Variants in FOXP2 observed in about 807,000 individuals in gnomAD.
FOXP2 encodes the protein forkhead box P2.
Under a neutral mutation model 115.8 loss-of-function variants are expected in FOXP2, and 12 were observed. That is an observed-to-expected ratio of 0.10 (90% CI 0.07 to 0.17). FOXP2 has a LOEUF of 0.17. Among genes scored for constraint, FOXP2 ranks in the 10% least tolerant of loss-of-function variants. The pLI is 1.00. For synonymous variants in FOXP2, 328 were observed against 297.7 expected, an observed-to-expected ratio of 1.10 and a Z score of -1.05; for missense variants, 629 against 843.5, an observed-to-expected ratio of 0.75 and a Z score of 3.15.
At chr7:114,540,337 T>C (rs1799593714) in intron 3 of FOXP2, among the ~76,000 whole-genome samples, 1 of 152,100 alleles carries the variant, frequency 6.6e-6, no homozygotes, top group Non-Finnish European at 1.5e-5. Context: ...ATGAATTCCC[T>C]GCTCTTCTCT....
chr7:114,113,142 A>G (rs541124429), intron 1 of FOXP2, among the ~76,000 whole-genome samples: 5 of 152,298 alleles, frequency 3.3e-5, no homozygotes, highest in Admixed American at 2.0e-4. Context: ...TTAGTTATCT[A>G]AAGTAGTATG....
chr7:114,633,574 A>C (rs1805038879), intron 6 of FOXP2, among the ~76,000 whole-genome samples: 5 of 152,150 alleles, frequency 3.3e-5, no homozygotes, highest in African/African-American at 1.2e-4. Flanking sequence ...TAGGGCCACA[A>C]ATGTAGTTGG....
chr7:114,460,872 G>T (rs1795529389), intron 2 of FOXP2, among the ~76,000 whole-genome samples: 1 of 152,140 alleles, frequency 6.6e-6, no homozygotes, highest in Non-Finnish European at 1.5e-5. Flanking sequence ...GAGGTTGAAA[G>T]GGGAGAACTT....
At chr7:114,125,858 T>C (rs749329881) in intron 1 of FOXP2, among the ~76,000 whole-genome samples, 6 of 152,180 alleles carry the variant, frequency 3.9e-5, no homozygotes, top group Non-Finnish European at 5.9e-5. Context: ...TCTTACTGCA[T>C]AGAGCACCCA....
chr7:114,288,431 T>A lies in FOXP2; in HGVS notation c.-11+322T>A, dbSNP rs112522986. On this transcript the variant is annotated intron_variant, in intron 2 of 17. Coordinates refer to the FOXP2 transcript ENST00000634411. ...TTAGGCAAGGAAAGCACTTGGAGAA[T>A]CTTGTTACCATTGTACTTGCCTTTT... is the stretch of plus-strand genomic sequence containing the variant. Among the ~76,000 whole-genome samples the A allele has an allele frequency of 1.3e-3, 194 of 151,970 alleles. 1 individual carries two copies. The highest frequency in any genetic ancestry group is 4.3e-3 in the African/African-American group (180 of 41,544).
In FOXP2 at chr7:114,551,334, A is replaced by G. The variant is rs115983442; in HGVS notation, c.258+16628A>G. ...CTCAGGGAGTTGACAATCTGGCTAG[A>G]TAAAAATTCAGAATAATAACCATTC... On this transcript the variant is annotated intron_variant, in intron 3 of 16. Transcript: ENST00000350908. Among the ~76,000 whole-genome samples, 428 of 152,336 alleles carry G rather than the reference A, an allele frequency of 2.8e-3. 3 individuals carry two copies. Among genetic ancestry groups the G allele is most frequent in the African/African-American group, 9.7e-3 (404 of 41,576 alleles).
intron 1 of FOXP2, among the ~76,000 whole-genome samples, chr7:114,125,524 A>G (rs1044945476): frequency 6.6e-6 from 1 of 152,144 alleles, no homozygotes; most frequent in Non-Finnish European, 1.5e-5. Context: ...GTTTCCCAGC[A>G]TAGAAGTTTT....
At chr7:114,134,484 C>G (rs995776673) in intron 1 of FOXP2, among the ~76,000 whole-genome samples, 3 of 151,956 alleles carry the variant, frequency 2.0e-5, no homozygotes, top group Admixed American at 1.3e-4. Context: ...GAGGCCGAGG[C>G]GGGCGGATCA....
chr7:114,530,996 C>T (rs1347848092), intron 2 of FOXP2, among the ~76,000 whole-genome samples: 1 of 151,484 alleles, frequency 6.6e-6, no homozygotes, highest in South Asian at 2.1e-4. Context: ...TTTAAGATGT[C>T]TTACCTTAAT....
intron 1 of FOXP2, among the ~76,000 whole-genome samples, chr7:114,417,870 T>G (rs933426752): frequency 1.3e-5 from 2 of 151,940 alleles, no homozygotes; most frequent in Non-Finnish European, 2.9e-5. Context: ...ATTCTTACAC[T>G]TGGAAATGAT....
At chr7:114,121,194 AGT>A (rs1161920466) in intron 1 of FOXP2, among the ~76,000 whole-genome samples, 7 of 152,004 alleles carry the variant, frequency 4.6e-5, no homozygotes, top group Admixed American at 4.6e-4. Context: ...GAATGAGATG[AGT>A]GCCCTTAGAA....
At chr7:114,537,522 C>T (rs948539334) in intron 3 of FOXP2, among the ~76,000 whole-genome samples, 1 of 151,542 alleles carries the variant, frequency 6.6e-6, no homozygotes, top group South Asian at 2.1e-4. Context: ...ACCTGAATTT[C>T]TTTTCTCTGT....
At chr7:114,493,440 G>C (rs1797162159) in intron 2 of FOXP2, among the ~76,000 whole-genome samples, 1 of 151,960 alleles carries the variant, frequency 6.6e-6, no homozygotes, top group Non-Finnish European at 1.5e-5. Flanking sequence ...TGTCAATATG[G>C]GTTCAGAATT....
chr7:114,122,552 C>T (rs1290998223), intron 1 of FOXP2, among the ~76,000 whole-genome samples: 3 of 151,778 alleles, frequency 2.0e-5, no homozygotes, highest in African/African-American at 7.3e-5. Flanking sequence ...TCCTGTTCAG[C>T]TGATCTTTAT....
intron 2 of FOXP2, among the ~76,000 whole-genome samples, chr7:114,356,529 A>G (rs886909132): frequency 6.6e-6 from 1 of 152,176 alleles, no homozygotes; most frequent in Non-Finnish European, 1.5e-5. Context: ...ACTCACTTAG[A>G]GGGTAAGGAA....
chr7:114,300,784 T>C (rs1202871816), intron 2 of FOXP2, among the ~76,000 whole-genome samples: 2 of 152,026 alleles, frequency 1.3e-5, no homozygotes, highest in African/African-American at 4.8e-5. Flanking sequence ...CTGTACACTT[T>C]TCAAAACATG....
At chr7:114,215,843 G>A (rs554802552) in intron 1 of FOXP2, among the ~76,000 whole-genome samples, 89 of 152,148 alleles carry the variant, frequency 5.8e-4, no homozygotes, top group African/African-American at 1.8e-3. Flanking sequence ...CCAAAATTTG[G>A]AAATTTCTGA....
chr7:114,358,719 A>C (rs1373222023), intron 2 of FOXP2, among the ~76,000 whole-genome samples: 1 of 152,170 alleles, frequency 6.6e-6, no homozygotes, highest in East Asian at 1.9e-4. Context: ...GGAACTTTGA[A>C]CTTGAGAGAG....
At chr7:114,537,458 C>A (rs1204475437) in intron 3 of FOXP2, among the ~76,000 whole-genome samples, 1 of 151,422 alleles carries the variant, frequency 6.6e-6, no homozygotes, top group African/African-American at 2.4e-5. Flanking sequence ...GATTTCAAAA[C>A]CTGTTTTGAT....
Sources: allele counts gnomAD v4.1 joint callset (sites outside exome capture counted in the v4.1 genomes callset), GRCh38; gene constraint gnomAD v4.1.1; transcripts MANE v1.5; gene names NCBI Gene and HGNC (gene_info 2026-07-23, HGNC 2026-07-21).